NCAPD2: variants seen among roughly 807,000 people sequenced by gnomAD.
The protein encoded by NCAPD2 is condensin complex subunit 1.
Under a neutral mutation model 164.5 loss-of-function variants are expected in NCAPD2, and 100 were observed. The observed-to-expected ratio is 0.61, with a 90% CI of 0.52 to 0.72. The LOEUF is 0.72. Among genes scored for constraint, NCAPD2 ranks in the 30% least tolerant of loss-of-function variants. NCAPD2 has a pLI of 0.00. For missense variants in NCAPD2, 1,560 were observed against 1,749.2 expected, an observed-to-expected ratio of 0.89 and a Z score of 1.93; for synonymous variants, 585 against 642.6, an observed-to-expected ratio of 0.91 and a Z score of 1.36.
intron 2 of NCAPD2, among the ~76,000 whole-genome samples, chr12:6,501,084 C>T (rs1470247018): frequency 2.1e-5 from 3 of 141,706 alleles, no homozygotes; most frequent in Non-Finnish European, 4.5e-5. Context: ...GACAGTCTTG[C>T]TCTGTTGGCT....
intron 29 of NCAPD2, 101 bp from the exon 30 acceptor site, chr12:6,530,590 T>TA: frequency 6.8e-7 from 1 of 1,473,696 alleles, no homozygotes; most frequent in South Asian, 1.3e-5. Context: ...GGCTTCTTAG[T>TA]AATGTGCGTT....
intron 18 of NCAPD2, 74 bp from the exon 19 acceptor site, chr12:6,525,994 A>C: frequency 6.4e-7 from 1 of 1,558,518 alleles, no homozygotes; most frequent in African/African-American, 1.3e-5. Context: ...GCTGGTACCT[A>C]CCCCTATTGG....
rs187995527 is a variant in NCAPD2, at chr12:6,498,031, G to A, written c.127+2806G>A. ...TCACTGCAACCTCTCGGGCTCAGCC[G>A]CCCGAGTAGCTGGGACTACAGGCAT... On this transcript the variant is annotated intron_variant, in intron 2 of 31. Coordinates refer to ENST00000315579, the MANE Select transcript of NCAPD2 (RefSeq NM_014865.4). 3.2e-4 allele frequency among the ~76,000 whole-genome samples: 49 copies of A among 151,790 alleles called. 1 individual carries two copies. Among genetic ancestry groups the A allele is most frequent in the Admixed American group, 2.2e-3 (33 of 15,218 alleles).
rs771931892 is a variant in NCAPD2, at chr12:6,530,942, C to T, written c.3986C>T (p.Ala1329Val). 2 of 1,614,178 alleles carry T rather than the reference C, an allele frequency of 1.2e-6. No homozygotes were observed. The highest frequency in any genetic ancestry group is 8.5e-7 in the Non-Finnish European group (1 of 1,180,026). The change falls in exon 31 of 32, where the codon GCT (alanine) becomes GTT (valine). Residue 1329 changes from alanine (A) to valine (V), a missense_variant. Coordinates refer to ENST00000315579, the MANE Select transcript of NCAPD2 (RefSeq NM_014865.4). ...PSTGSRYQPLASTASDNDFVT... is the reference protein window; with the variant it reads ...PSTGSRYQPLVSTASDNDFVT... ...CTAGGTTCTAGGTACCAGCCTCTGG[C>T]TTCTACAGCCTCAGACAATGACTTT...
chr12:6,496,843 C>G (rs550963304), intron 2 of NCAPD2, among the ~76,000 whole-genome samples: 23 of 152,340 alleles, frequency 1.5e-4, no homozygotes, highest in South Asian at 1.2e-3. Context: ...AGGCACCATG[C>G]TCGGCCAGAC....
At chr12:6,500,874 G>A (rs1373521378) in intron 2 of NCAPD2, among the ~76,000 whole-genome samples, 1 of 152,132 alleles carries the variant, frequency 6.6e-6, no homozygotes, top group Non-Finnish European at 1.5e-5. Flanking sequence ...GAGAGAAGCA[G>A]GGATACTAGT....
chr12:6,529,445 G>C lies in NCAPD2; in HGVS notation c.3573-68G>C. ...AAGACGAGTGCTGGGGGAGGGTCCA[G>C]GGTTGGTCTTAGTGGATGGCAGAGC... On this transcript the variant is annotated intron_variant, in intron 27 of 31. Coordinates refer to ENST00000315579, the MANE Select transcript of NCAPD2 (RefSeq NM_014865.4). 2.9e-6 allele frequency: 4 copies of C among 1,387,948 alleles called. No individual in the cohort carries two copies. In the South Asian group the frequency reaches 4.6e-5, roughly 16 times the overall value. 86.0% of individuals were successfully genotyped at this position (1,387,948 alleles called of 1,614,324 possible).
Position 6,528,722 on chromosome 12 carries a change from G to T in NCAPD2, c.3343G>T (p.Val1115Leu). ...GCAAGTGCGGAAAACAGCGGGGCTG[G>T]TGATGACCCACCTGATCCTCAAGGA... is the stretch of plus-strand genomic sequence containing the variant. ...AQQVRKTAGL[V>L]MTHLILKDMV... is the part of the protein sequence containing the mutation. The change falls in exon 26 of 32, where the codon GTG becomes TTG. Residue 1115 changes from valine to leucine, a missense_variant. Coordinates refer to ENST00000315579, the MANE Select transcript of NCAPD2 (RefSeq NM_014865.4). The surrounding 1 kb of genome is among the most constrained non-coding windows in gnomAD (Gnocchi z 5.1). 6.2e-7 allele frequency: 1 copy of T among 1,614,090 alleles called. No homozygotes were observed. The highest frequency in any genetic ancestry group is 8.5e-7 in the Non-Finnish European group (1 of 1,179,966).
intron 22 of NCAPD2, among the ~76,000 whole-genome samples, chr12:6,527,353 G>A (rs1267739185): frequency 6.6e-6 from 1 of 152,180 alleles, no homozygotes; most frequent in East Asian, 1.9e-4. Context: ...CGTACCCGCC[G>A]GCCTTTTCCA....
chr12:6,509,076 T>C (rs952362997), intron 2 of NCAPD2, among the ~76,000 whole-genome samples: 3 of 142,868 alleles, frequency 2.1e-5, no homozygotes, highest in African/African-American at 8.2e-5. Flanking sequence ...AGGATAAACT[T>C]TTTTTTTTTT....
At chr12:6,518,174 CAATT>C (rs1287783549) in intron 13 of NCAPD2, 10 of 445,136 alleles carry the variant, frequency 2.2e-5, no homozygotes, top group Middle Eastern at 1.2e-3. Flanking sequence ...ACTACTGAAA[CAATT>C]AAATGTTAAC....
intron 17 of NCAPD2, among the ~76,000 whole-genome samples, chr12:6,523,625 T>C (rs1404603056): frequency 1.3e-5 from 2 of 152,270 alleles, no homozygotes; most frequent in East Asian, 1.9e-4. Flanking sequence ...TCTCGAACCC[T>C]TGACCTCGTG....
At chr12:6,494,385 T>TA (rs1945956181) in intron 1 of NCAPD2, among the ~76,000 whole-genome samples, 1 of 151,880 alleles carries the variant, frequency 6.6e-6, no homozygotes, top group South Asian at 2.1e-4. Flanking sequence ...CGGAAGATGT[T>TA]AAGCAAATCG....
At chr12:6,508,816 C>T (rs1327567310) in intron 2 of NCAPD2, among the ~76,000 whole-genome samples, 1 of 152,204 alleles carries the variant, frequency 6.6e-6, no homozygotes, top group Non-Finnish European at 1.5e-5. Context: ...ATAAGACATT[C>T]ACTTCATGCA....
In NCAPD2 at chr12:6,514,386, A is replaced by C. The variant is rs201164765; in HGVS notation, c.709A>C (p.Met237Leu). Reference sequence around the variant, plus strand: ...TGTAGCCTTGACCCGTTATAACCATATGCTCAGTAAGTTACCAGTCGCTTT... The same window carrying C: ...TGTAGCCTTGACCCGTTATAACCATCTGCTCAGTAAGTTACCAGTCGCTTT... The part of the protein sequence containing the change: ...LGVALTRYNH[M>L]LSATVKIIQM... The change falls in exon 7 of 32, where the codon ATG (methionine) becomes CTG (leucine). Residue 237 changes from methionine (M) to leucine (L), a missense_variant. Physicochemically the swap from Met to Leu is conservative, Grantham distance 15. Coordinates refer to ENST00000315579, the MANE Select transcript of NCAPD2 (RefSeq NM_014865.4). The C allele has an allele frequency of 1.2e-6, 2 of 1,614,170 alleles. No homozygotes were observed. Among genetic ancestry groups the C allele is most frequent in the Admixed American group, 1.7e-5 (1 of 60,020 alleles).
Position 6,527,825 on chromosome 12 carries a change from G to A in NCAPD2, c.2956G>A (p.Ala986Thr), listed in dbSNP as rs1166904134. ...GGAGGAGGAGCTGGGGCTGGTTGGG[G>A]CAACAGCAGATGACACAGAGGCAGA... Reference protein sequence around the residue: ...TMEEELGLVGATADDTEAELI... With the variant: ...TMEEELGLVGTTADDTEAELI... Residue 986 changes from alanine to threonine, a missense_variant, in exon 23 of 32, where the codon GCA becomes ACA. Coordinates refer to ENST00000315579, the MANE Select transcript of NCAPD2 (RefSeq NM_014865.4). 6.2e-7 allele frequency: 1 copy of A among 1,613,778 alleles called. No individual in the cohort carries two copies. The highest frequency in any genetic ancestry group is 8.5e-7 in the Non-Finnish European group (1 of 1,179,794).
At chr12:6,522,293 C>T (rs574531426) in intron 15 of NCAPD2, among the ~76,000 whole-genome samples, 1 of 152,102 alleles carries the variant, frequency 6.6e-6, no homozygotes, top group Non-Finnish European at 1.5e-5. Flanking sequence ...CTTTAAAAGG[C>T]AGGGGTTCTC....
At chr12:6,510,219 T>A in intron 4 of NCAPD2, 86 bp downstream of exon 4, 5 of 1,377,642 alleles carry the variant, frequency 3.6e-6, no homozygotes, top group Non-Finnish European at 5.2e-6. Context: ...CTACATTTTG[T>A]CAGCCACATG....
chr12:6,504,051 A>T (rs1444679122), intron 2 of NCAPD2, among the ~76,000 whole-genome samples: 1 of 151,646 alleles, frequency 6.6e-6, no homozygotes, highest in African/African-American at 2.4e-5. Flanking sequence ...CCACCTTCCA[A>T]CACTGTCATG....
Sources: gnomAD v4.1 joint callset for allele counts (sites outside exome capture counted in the v4.1 genomes callset) on GRCh38, gnomAD v4.1.1 for gene constraint, Gnocchi (gnomAD v3.1) non-coding constraint, MANE v1.5 for transcripts, NCBI Gene and HGNC (gene_info 2026-07-23, HGNC 2026-07-21) for gene names.